SHISA9: variants seen among roughly 807,000 people sequenced by gnomAD.
SHISA9 encodes shisa family member 9.
In SHISA9, 13 loss-of-function variants were observed where a neutral mutation model predicts 38.0. The observed-to-expected ratio is 0.34, with a 90% CI of 0.22 to 0.54. The LOEUF is 0.54. Among genes scored for constraint, SHISA9 ranks in the 20% least tolerant of loss-of-function variants. The probability of loss-of-function intolerance (pLI) is 0.91; values close to 1 mark genes in which losing one functional copy is unlikely to be tolerated. For synonymous variants in SHISA9, 275 were observed against 242.0 expected (o/e 1.14, Z -1.27); for missense variants, 538 against 575.8 (o/e 0.93, Z 0.67).
chr16:13,411,304 A>G, the SHISA9 span, among the ~76,000 whole-genome samples: 1 of 152,240 alleles, frequency 6.6e-6, no homozygotes, highest in Non-Finnish European at 1.5e-5. Flanking sequence ...TGTGTGAATC[A>G]AAACTAGACT....
chr16:13,433,889 G>A, the SHISA9 span, among the ~76,000 whole-genome samples: 1 of 152,290 alleles, frequency 6.6e-6, no homozygotes, highest in South Asian at 2.1e-4. Flanking sequence ...GTGTGTATTA[G>A]TCAGGGTTCC....
the SHISA9 span, among the ~76,000 whole-genome samples, chr16:13,543,929 T>A: frequency 6.6e-6 from 1 of 152,160 alleles, no homozygotes; most frequent in Non-Finnish European, 1.5e-5. Flanking sequence ...GCTCAGAGAA[T>A]TGCAGGGCTA....
At chr16:13,112,003 C>G (rs2073983222) in intron 2 of SHISA9, among the ~76,000 whole-genome samples, 1 of 152,168 alleles carries the variant, frequency 6.6e-6, no homozygotes. Flanking sequence ...AAAACCAGGT[C>G]TGTCTGACTT....
chr16:13,069,331 C>T (rs146802324), intron 2 of SHISA9, among the ~76,000 whole-genome samples: 289 of 147,888 alleles, frequency 2.0e-3, no homozygotes, highest in Non-Finnish European at 2.9e-3. Context: ...ACACAATGTA[C>T]GCATGCATAT....
chr16:13,046,819 C>T (rs2073193557), intron 2 of SHISA9, among the ~76,000 whole-genome samples: 1 of 152,152 alleles, frequency 6.6e-6, no homozygotes, highest in Non-Finnish European at 1.5e-5. Context: ...ATTCCCTCTG[C>T]CTAAACCACT....
At chr16:13,441,228 G>A in the SHISA9 span, among the ~76,000 whole-genome samples, 1 of 152,284 alleles carries the variant, frequency 6.6e-6, no homozygotes, top group Non-Finnish European at 1.5e-5. Flanking sequence ...ACAACAATAT[G>A]GCATCCTTCT....
the SHISA9 span, among the ~76,000 whole-genome samples, chr16:13,282,575 T>G: frequency 7.9e-5 from 12 of 152,202 alleles, no homozygotes; most frequent in Middle Eastern, 3.4e-3. Context: ...AAATAAATAT[T>G]TTTTCTGCTT....
At chr16:13,216,660 A>T (rs983357549) in intron 4 of SHISA9, among the ~76,000 whole-genome samples, 4 of 152,152 alleles carry the variant, frequency 2.6e-5, no homozygotes, top group African/African-American at 7.2e-5. Context: ...GCAGAGAAGT[A>T]GGTAGAGGTG....
intron 2 of SHISA9, among the ~76,000 whole-genome samples, chr16:13,197,176 G>C (rs1178631442): frequency 6.7e-6 from 1 of 149,660 alleles, no homozygotes; most frequent in East Asian, 2.0e-4. Context: ...GAGAGAGAGA[G>C]AGAGATAACA....
intron 2 of SHISA9, among the ~76,000 whole-genome samples, chr16:12,958,499 A>C (rs2071865727): frequency 6.6e-6 from 1 of 152,144 alleles, no homozygotes; most frequent in Admixed American, 6.5e-5. Flanking sequence ...CTCAGTTCAG[A>C]GTGGGTATGT....
chr16:13,498,865 A>G, the SHISA9 span, among the ~76,000 whole-genome samples: 13 of 152,376 alleles, frequency 8.5e-5, no homozygotes, highest in African/African-American at 3.1e-4. Flanking sequence ...GGTTGTGCCA[A>G]GGAAAGGGGA....
intron 2 of SHISA9, among the ~76,000 whole-genome samples, chr16:13,143,151 G>A (rs563311796): frequency 1.3e-4 from 19 of 151,930 alleles, no homozygotes; most frequent in South Asian, 4.2e-4. Flanking sequence ...GGATACAGGC[G>A]TGTGCTACCA....
At chr16:13,077,821 A>C (rs1352066539) in intron 2 of SHISA9, among the ~76,000 whole-genome samples, 1 of 152,244 alleles carries the variant, frequency 6.6e-6, no homozygotes, top group Non-Finnish European at 1.5e-5. Context: ...AGCCAGCCTT[A>C]GTCAATTTGG....
At chr16:13,500,574 TAGAG>T in the SHISA9 span, among the ~76,000 whole-genome samples, 2 of 129,162 alleles carry the variant, frequency 1.5e-5, no homozygotes, top group African/African-American at 6.1e-5. Context: ...GAAAGAGAAA[TAGAG>T]AGAGAAGGAA....
the SHISA9 span, among the ~76,000 whole-genome samples, chr16:13,503,463 A>T: frequency 2.0e-5 from 3 of 152,182 alleles, no homozygotes; most frequent in South Asian, 2.1e-4. Flanking sequence ...ATGCTGATGC[A>T]TTCACCTGGA....
intron 1 of SHISA9, among the ~76,000 whole-genome samples, chr16:12,916,001 G>A (rs1445136056): frequency 7.7e-6 from 1 of 129,522 alleles, no homozygotes; most frequent in Non-Finnish European, 1.6e-5. Context: ...TTTTTTGTGT[G>A]TGTGTGTGTG....
At chr16:13,548,237 G>A in the SHISA9 span, among the ~76,000 whole-genome samples, 334 of 150,592 alleles carry the variant, frequency 2.2e-3, 1 homozygote, top group African/African-American at 7.2e-3. Flanking sequence ...ATTTGCATGT[G>A]AGACTCAAAA....
intron 2 of SHISA9, among the ~76,000 whole-genome samples, chr16:12,917,790 T>C: frequency 6.6e-6 from 1 of 152,224 alleles, no homozygotes; most frequent in African/African-American, 2.4e-5. Context: ...GAAACAATTC[T>C]AATGATGCAC....
chr16:13,276,951 G>A, the SHISA9 span, among the ~76,000 whole-genome samples: 1 of 151,948 alleles, frequency 6.6e-6, no homozygotes, highest in South Asian at 2.1e-4. Context: ...TGTTTTTATT[G>A]CATTTGCTTT....
Sources: gnomAD v4.1 joint callset for allele counts (sites outside exome capture counted in the v4.1 genomes callset) on GRCh38, gnomAD v4.1.1 for gene constraint, MANE v1.5 for transcripts, NCBI Gene and HGNC (gene_info 2026-07-23, HGNC 2026-07-21) for gene names.